Variants in PRKN observed in about 807,000 individuals in gnomAD.
PRKN encodes parkin RBR E3 ubiquitin protein ligase.
Under a neutral mutation model 59.5 loss-of-function variants are expected in PRKN, and 56 were observed. The observed-to-expected ratio is 0.94, with a 90% CI of 0.76 to 1.18. The LOEUF is 1.18. PRKN is among the 50% of genes most tolerant of loss of function. The pLI, the probability that PRKN is intolerant of heterozygous loss-of-function variation, is 0.00. For missense variants in PRKN, 657 were observed against 596.4 expected, an observed-to-expected ratio of 1.10 and a Z score of -1.06; for synonymous variants, 250 against 222.1, an observed-to-expected ratio of 1.13 and a Z score of -1.12.
At chr6:162,256,892 C>T (rs1263749301) in intron 3 of PRKN, among the ~76,000 whole-genome samples, 3 of 152,194 alleles carry the variant, frequency 2.0e-5, no homozygotes, top group Non-Finnish European at 2.9e-5. Flanking sequence ...AAGTACTTTA[C>T]TTAACTTCAA....
At chr6:161,722,639 T>C (rs1318305650) in intron 7 of PRKN, among the ~76,000 whole-genome samples, 1 of 152,220 alleles carries the variant, frequency 6.6e-6, no homozygotes, top group East Asian at 1.9e-4. Flanking sequence ...CAATTTATAC[T>C]CCTGTCAGTA....
intron 7 of PRKN, among the ~76,000 whole-genome samples, chr6:161,594,501 T>C (rs187665059): frequency 1.4e-4 from 21 of 152,334 alleles, no homozygotes; most frequent in Non-Finnish European, 2.8e-4. Flanking sequence ...TTCTTTCCAA[T>C]ATCAAGACAC....
chr6:162,377,890 T>A (rs1562714216), intron 2 of PRKN, among the ~76,000 whole-genome samples: 1 of 152,126 alleles, frequency 6.6e-6, no homozygotes, highest in Non-Finnish European at 1.5e-5. Context: ...GAATTTCAAG[T>A]GAAAGCCAGA....
At chr6:162,430,170 C>CAAT (rs1789444354) in intron 2 of PRKN, among the ~76,000 whole-genome samples, 3 of 141,538 alleles carry the variant, frequency 2.1e-5, no homozygotes, top group African/African-American at 8.9e-5. Context: ...ACGACGACGA[C>CAAT]GACGATGATG....
intron 3 of PRKN, among the ~76,000 whole-genome samples, chr6:162,234,881 C>T (rs1229949689): frequency 6.6e-6 from 1 of 152,122 alleles, no homozygotes; most frequent in African/African-American, 2.4e-5. Context: ...CAATGTGCCT[C>T]CAGTTTTTTC....
At chr6:161,493,897 A>G (rs1313532347) in intron 9 of PRKN, among the ~76,000 whole-genome samples, 3 of 152,218 alleles carry the variant, frequency 2.0e-5, no homozygotes, top group African/African-American at 4.8e-5. Context: ...TAAAGAAGTG[A>G]CAGCCAGAAG....
At chr6:161,953,179 T>G (rs1284012902) in intron 6 of PRKN, among the ~76,000 whole-genome samples, 1 of 152,186 alleles carries the variant, frequency 6.6e-6, no homozygotes, top group East Asian at 1.9e-4. Context: ...TGGTGTGATC[T>G]CAGCTCACTG....
rs374813630 is a variant in PRKN, at chr6:162,054,909, C to G, written c.535-735G>C. Among the ~76,000 whole-genome samples the G allele has an allele frequency of 6.6e-5, 10 of 152,268 alleles. No individual in the cohort carries two copies. In the South Asian group the frequency reaches 1.9e-3, roughly 28 times the overall value. On this transcript the variant is annotated intron_variant, in intron 4 of 11. Coordinates refer to ENST00000366898, the MANE Select transcript of PRKN (RefSeq NM_004562.3). ...GTGCACGGTGGCTCATTCCTATAAT[C>G]CCAGCACTTTGGGAGGTTGAAGGGG...
intron 1 of PRKN, among the ~76,000 whole-genome samples, chr6:162,684,891 GTGT>G (rs1298524811): frequency 1.3e-5 from 2 of 152,060 alleles, no homozygotes; most frequent in Non-Finnish European, 2.9e-5. Context: ...TAACTAAAAG[GTGT>G]TGTTAAATAG....
intron 5 of PRKN, among the ~76,000 whole-genome samples, chr6:162,008,517 T>A (rs1246119895): frequency 6.6e-6 from 1 of 152,152 alleles, no homozygotes; most frequent in Non-Finnish European, 1.5e-5. Flanking sequence ...TGTTACACAA[T>A]CATTTACCAC....
At chr6:161,889,459 A>G (rs775518306) in intron 6 of PRKN, among the ~76,000 whole-genome samples, 1 of 152,168 alleles carries the variant, frequency 6.6e-6, no homozygotes, top group African/African-American at 2.4e-5. Context: ...CAGCATCTCA[A>G]AGGCATTGCC....
chr6:161,464,374 G>C (rs112523989), intron 9 of PRKN, among the ~76,000 whole-genome samples: 2,346 of 152,242 alleles, frequency 0.015, 53 homozygotes, highest in African/African-American at 0.054. Context: ...AATTCCTATG[G>C]AAGTCACATT....
chr6:161,448,249 T>G lies in PRKN; in HGVS notation c.1084-61372A>C, dbSNP rs1583080934. Among the ~76,000 whole-genome samples, 1 of 152,236 alleles carries G rather than the reference T, an allele frequency of 6.6e-6. No homozygotes were observed. The highest frequency in any genetic ancestry group is 2.4e-5 in the African/African-American group (1 of 41,468). ...TGGAATATCAGAAATTCATCATTCT[T>G]TGGTGTCTGCGTATCTCTGAATGGC... is the stretch of plus-strand genomic sequence containing the variant. On this transcript the variant is annotated intron_variant, in intron 9 of 11. Coordinates refer to ENST00000366898, the MANE Select transcript of PRKN (RefSeq NM_004562.3). The surrounding 1 kb of genome is among the most constrained non-coding windows in gnomAD (Gnocchi z 5.1).
chr6:161,993,676 T>C (rs1484825894), intron 5 of PRKN, among the ~76,000 whole-genome samples: 2 of 152,154 alleles, frequency 1.3e-5, no homozygotes, highest in Non-Finnish European at 2.9e-5. Flanking sequence ...ACTGTCTTAG[T>C]CGATTTGTCT....
At chr6:162,007,474 T>C (rs1489957249) in intron 5 of PRKN, among the ~76,000 whole-genome samples, 1 of 152,084 alleles carries the variant, frequency 6.6e-6, no homozygotes, top group East Asian at 1.9e-4. Flanking sequence ...ATAGGGGAAG[T>C]TTTGTGAATA....
intron 7 of PRKN, among the ~76,000 whole-genome samples, chr6:161,580,258 CAG>C (rs547425359): frequency 6.6e-6 from 1 of 152,134 alleles, no homozygotes; most frequent in Non-Finnish European, 1.5e-5. Context: ...TCTCATCTGT[CAG>C]AGAGTTTTAC....
intron 4 of PRKN, among the ~76,000 whole-genome samples, chr6:162,138,095 G>T (rs1344884772): frequency 6.6e-6 from 1 of 151,992 alleles, no homozygotes; most frequent in Non-Finnish European, 1.5e-5. Flanking sequence ...AGAATTTTCA[G>T]GACACAATAC....
chr6:161,701,407 A>G (rs1786244546), intron 7 of PRKN, among the ~76,000 whole-genome samples: 1 of 152,220 alleles, frequency 6.6e-6, no homozygotes, highest in Non-Finnish European at 1.5e-5. Flanking sequence ...TAAGTAAAAC[A>G]ATAATGTAAA....
chr6:162,589,809 G>C (rs1781228470), intron 1 of PRKN, among the ~76,000 whole-genome samples: 1 of 152,024 alleles, frequency 6.6e-6, no homozygotes, highest in Non-Finnish European at 1.5e-5. Flanking sequence ...AAACCTCCCT[G>C]GCCATTATAA....
Sources: allele counts gnomAD v4.1 joint callset (sites outside exome capture counted in the v4.1 genomes callset), GRCh38; gene constraint gnomAD v4.1.1; non-coding constraint Gnocchi (gnomAD v3.1); transcripts MANE v1.5; gene names NCBI Gene and HGNC (gene_info 2026-07-23, HGNC 2026-07-21).